Variants in GPC6 observed in about 807,000 individuals in gnomAD.
GPC6 encodes glypican 6, also known as glypican-6.
A neutral mutation model predicts 55.2 loss-of-function variants in GPC6; 14 were observed. The ratio of observed to expected loss-of-function variants is 0.25; its 90% CI spans 0.17 to 0.40. The LOEUF (loss-of-function observed/expected upper bound fraction) is 0.40. GPC6 is among the 10% of genes least tolerant of loss of function. The pLI is 1.00. For synonymous variants in GPC6, 278 were observed against 259.6 expected (o/e 1.07, Z -0.68); for missense variants, 641 against 708.5 (o/e 0.90, Z 1.08).
intron 6 of GPC6, among the ~76,000 whole-genome samples, chr13:94,317,772 A>G (rs1780789916): frequency 6.6e-6 from 1 of 152,204 alleles, no homozygotes; most frequent in Non-Finnish European, 1.5e-5. Context: ...ATCAATATTT[A>G]GGAATTTTTT....
chr13:94,103,058 C>A (rs568537031), intron 4 of GPC6, among the ~76,000 whole-genome samples: 2 of 152,186 alleles, frequency 1.3e-5, no homozygotes, highest in South Asian at 4.2e-4. Context: ...CACAACAGGC[C>A]CCGGTGTGTG....
intron 3 of GPC6, among the ~76,000 whole-genome samples, chr13:93,987,455 GTTAT>G (rs1251160150): frequency 6.6e-6 from 1 of 152,164 alleles, no homozygotes; most frequent in African/African-American, 2.4e-5. Flanking sequence ...TCAAATAAAT[GTTAT>G]TTAACACATC....
intron 2 of GPC6, among the ~76,000 whole-genome samples, chr13:93,632,647 A>G (rs993487018): frequency 6.7e-6 from 1 of 148,462 alleles, no homozygotes. Context: ...AATAAAATAA[A>G]AACTGTTTTC....
chr13:93,827,994 G>A (rs1887326668), intron 2 of GPC6, among the ~76,000 whole-genome samples: 1 of 150,756 alleles, frequency 6.6e-6, no homozygotes, highest in Non-Finnish European at 1.5e-5. Flanking sequence ...AAAGCAATGA[G>A]TATCAGAGAA....
At chr13:93,366,239 A>G (rs922119330) in intron 1 of GPC6, among the ~76,000 whole-genome samples, 2 of 152,142 alleles carry the variant, frequency 1.3e-5, no homozygotes, top group African/African-American at 4.8e-5. Context: ...AATAAACTTT[A>G]CATAAATTGA....
chr13:93,843,203 T>C (rs1888021005), intron 3 of GPC6, among the ~76,000 whole-genome samples: 1 of 151,962 alleles, frequency 6.6e-6, no homozygotes, highest in African/African-American at 2.4e-5. Context: ...CAGCCTTACC[T>C]AGAAAATAAA....
chr13:93,513,877 T>TC (rs72387465), intron 1 of GPC6, among the ~76,000 whole-genome samples: 3 of 36,464 alleles, frequency 8.2e-5, no homozygotes, highest in Admixed American at 7.7e-4. Context: ...GAATGATGGC[T>TC]TTTTTTTTTT....
At position 93,546,616 on chromosome 13, in the gene GPC6, C is replaced by T. The variant is rs573740237; in HGVS notation, c.319+1195C>T. Among the ~76,000 whole-genome samples the T allele has an allele frequency of 5.3e-5, 8 of 152,250 alleles. No individual in the cohort carries two copies. The South Asian group carries it at 6.2e-4, about 12-fold the overall frequency. On this transcript the variant is annotated intron_variant, in intron 2 of 8. Transcript: ENST00000377047. The stretch of plus-strand genomic sequence containing the variant: ...GTATATGAAAATAATTTTTATTTAG[C>T]GGTGATGCTGTGAATGTTGTTCCCT...
At chr13:93,952,831 G>A (rs112322253) in intron 3 of GPC6, among the ~76,000 whole-genome samples, 4 of 145,212 alleles carry the variant, frequency 2.8e-5, no homozygotes, top group African/African-American at 5.1e-5. Context: ...ATATATATAC[G>A]TATATATCAC....
At chr13:93,300,858 A>G (rs1878653011) in intron 1 of GPC6, among the ~76,000 whole-genome samples, 1 of 151,612 alleles carries the variant, frequency 6.6e-6, no homozygotes, top group African/African-American at 2.4e-5. Context: ...CATCTCTACT[A>G]AAAATACAAA....
At chr13:93,270,484 G>A (rs928623120) in intron 1 of GPC6, among the ~76,000 whole-genome samples, 6 of 151,954 alleles carry the variant, frequency 3.9e-5, no homozygotes, top group African/African-American at 1.5e-4. Context: ...CCACTTAACA[G>A]AGAATTAAAC....
intron 1 of GPC6, among the ~76,000 whole-genome samples, chr13:93,424,603 A>G (rs1877051530): frequency 7.4e-6 from 1 of 135,226 alleles, no homozygotes; most frequent in Non-Finnish European, 1.7e-5. Context: ...TAGCAAATAC[A>G]TGGTATCATC....
chr13:94,112,485 T>C (rs532864516), intron 4 of GPC6, among the ~76,000 whole-genome samples: 1 of 152,122 alleles, frequency 6.6e-6, no homozygotes, highest in Non-Finnish European at 1.5e-5. Flanking sequence ...TCAGATTGAC[T>C]CACTTTGAAC....
chr13:93,771,447 A>G (rs944191737), intron 2 of GPC6, among the ~76,000 whole-genome samples: 1 of 152,090 alleles, frequency 6.6e-6, no homozygotes, highest in Admixed American at 6.5e-5. Context: ...TTTGTCTCAC[A>G]CGTGTCGGGG....
chr13:94,318,898 C>G (rs909557690), intron 6 of GPC6, among the ~76,000 whole-genome samples: 6 of 152,232 alleles, frequency 3.9e-5, no homozygotes, highest in Non-Finnish European at 8.8e-5. Flanking sequence ...AATGTAGTTA[C>G]ACCAAATTTT....
At chr13:93,629,308 G>A (rs963909799) in intron 2 of GPC6, among the ~76,000 whole-genome samples, 2 of 151,692 alleles carry the variant, frequency 1.3e-5, no homozygotes, top group Admixed American at 6.6e-5. Context: ...CTCTTTTTGT[G>A]GCCTGTTATA....
chr13:93,808,027 A>C (rs1212259743), intron 2 of GPC6, among the ~76,000 whole-genome samples: 1 of 152,208 alleles, frequency 6.6e-6, no homozygotes, highest in Non-Finnish European at 1.5e-5. Flanking sequence ...CATTGTACTT[A>C]TGAAATTAAG....
chr13:93,359,676 C>T (rs1880978557), intron 1 of GPC6, among the ~76,000 whole-genome samples: 1 of 152,044 alleles, frequency 6.6e-6, no homozygotes, highest in Admixed American at 6.6e-5. Context: ...AGTATGAATT[C>T]AAAATGGTAC....
At chr13:94,141,843 G>A (rs900522197) in intron 4 of GPC6, among the ~76,000 whole-genome samples, 2 of 152,126 alleles carry the variant, frequency 1.3e-5, no homozygotes, top group Non-Finnish European at 2.9e-5. Flanking sequence ...ACTGAATAAA[G>A]GGGAAGAACC....
Sources: allele counts gnomAD v4.1 joint callset (sites outside exome capture counted in the v4.1 genomes callset), GRCh38; gene constraint gnomAD v4.1.1; transcripts MANE v1.5; gene names NCBI Gene and HGNC (gene_info 2026-07-23, HGNC 2026-07-21).